Variants in WDR27 observed in about 807,000 individuals in gnomAD.
The protein encoded by WDR27 is WD repeat-containing protein 27.
In WDR27, 100 loss-of-function variants were observed where a neutral mutation model predicts 114.4. The ratio of observed to expected loss-of-function variants is 0.87; its 90% CI spans 0.74 to 1.03. The LOEUF (loss-of-function observed/expected upper bound fraction) is 1.03, where lower values mean the gene tolerates loss of function less well. Among genes scored for constraint, WDR27 ranks in the 50% least tolerant of loss-of-function variants. The probability of loss-of-function intolerance (pLI) is 0.00; values close to 1 mark genes in which losing one functional copy is unlikely to be tolerated. For missense variants in WDR27, 1,129 were observed against 1,092.9 expected (o/e 1.03, Z -0.47); for synonymous variants, 449 against 423.1 (o/e 1.06, Z -0.75).
intron 22 of WDR27, among the ~76,000 whole-genome samples, chr6:169,612,864 A>C (rs1810910869): frequency 6.6e-6 from 1 of 152,216 alleles, no homozygotes; most frequent in Non-Finnish European, 1.5e-5. Context: ...CTCATGTGCA[A>C]CATGATTGCT....
At chr6:169,555,341 A>G (rs1308394344) in intron 25 of WDR27, among the ~76,000 whole-genome samples, 1 of 152,054 alleles carries the variant, frequency 6.6e-6, no homozygotes, top group Non-Finnish European at 1.5e-5. Flanking sequence ...AGAAGAGCAG[A>G]CTGCTCCAGG....
At chr6:169,641,420 C>A (rs2128227751) in intron 17 of WDR27, among the ~76,000 whole-genome samples, 1 of 152,292 alleles carries the variant, frequency 6.6e-6, no homozygotes, top group South Asian at 2.1e-4. Context: ...CGGAAGGCCT[C>A]CCTCCTCTTT....
Position 169,552,020 on chromosome 6 carries a change from G to A in WDR27, c.2645+20399C>T, listed in dbSNP as rs115728606. Reference sequence around the variant, plus strand: ...TACCCTCCCGTGGGTTCCGTCCCACGCAGAGAAGCCGCATACAAAGAAAGG... The same window carrying A: ...TACCCTCCCGTGGGTTCCGTCCCACACAGAGAAGCCGCATACAAAGAAAGG... On this transcript the variant is annotated intron_variant, in intron 25 of 25. Coordinates refer to ENST00000448612, the MANE Select transcript of WDR27 (RefSeq NM_182552.5). Among the ~76,000 whole-genome samples, 532 of 152,238 alleles carry A rather than the reference G, an allele frequency of 3.5e-3. 5 individuals are homozygous for A. The highest frequency in any genetic ancestry group is 0.012 in the African/African-American group (501 of 41,544).
intron 2 of WDR27, among the ~76,000 whole-genome samples, chr6:169,678,709 C>T (rs1382702830): frequency 3.9e-5 from 6 of 152,138 alleles, no homozygotes; most frequent in South Asian, 2.1e-4. Flanking sequence ...CCCTTTCTAT[C>T]GTGGCTGACT....
intron 23 of WDR27, among the ~76,000 whole-genome samples, chr6:169,583,636 G>C (rs1199334755): frequency 6.6e-6 from 1 of 151,718 alleles, no homozygotes; most frequent in Non-Finnish European, 1.5e-5. Context: ...ATTGAGAGAT[G>C]AGATAATCAT....
chr6:169,547,192 C>A (rs1797560802), intron 25 of WDR27, among the ~76,000 whole-genome samples: 1 of 151,972 alleles, frequency 6.6e-6, no homozygotes, highest in Non-Finnish European at 1.5e-5. Flanking sequence ...CTTCTCAAAC[C>A]AGAAATCACT....
chr6:169,462,960 T>A (rs1049635149), intron 25 of WDR27, among the ~76,000 whole-genome samples: 1 of 152,198 alleles, frequency 6.6e-6, no homozygotes, highest in Non-Finnish European at 1.5e-5. Flanking sequence ...AGAAGGAAGT[T>A]ACATCAACAC....
intron 25 of WDR27, among the ~76,000 whole-genome samples, chr6:169,519,879 A>G (rs1369899259): frequency 6.6e-6 from 1 of 152,058 alleles, no homozygotes; most frequent in Non-Finnish European, 1.5e-5. Context: ...GTTTTCCCCC[A>G]TCTTCTTGAC....
chr6:169,557,827 T>C (rs1486349189), intron 25 of WDR27, among the ~76,000 whole-genome samples: 1 of 152,160 alleles, frequency 6.6e-6, no homozygotes, highest in Admixed American at 6.5e-5. Flanking sequence ...CTCCACTTAA[T>C]AAGTTATCAG....
chr6:169,428,765 A>G, the WDR27 span, among the ~76,000 whole-genome samples: 1 of 152,184 alleles, frequency 6.6e-6, no homozygotes, highest in Non-Finnish European at 1.5e-5. Flanking sequence ...CGTCAGGGTG[A>G]GGGTGAGCCC....
At chr6:169,690,868 C>T (rs1232855280) in intron 1 of WDR27, among the ~76,000 whole-genome samples, 1 of 152,138 alleles carries the variant, frequency 6.6e-6, no homozygotes, top group Admixed American at 6.5e-5. Context: ...AGCAGAATTT[C>T]ACAAGAGAAG....
At chr6:169,601,467 C>T (rs1202150251) in intron 23 of WDR27, among the ~76,000 whole-genome samples, 1 of 152,178 alleles carries the variant, frequency 6.6e-6, no homozygotes, top group Non-Finnish European at 1.5e-5. Context: ...ATAATTACTA[C>T]ATTTTGTAAA....
At chr6:169,503,731 A>C (rs2867166) in intron 25 of WDR27, among the ~76,000 whole-genome samples, 54,652 of 151,762 alleles carry the variant, frequency 0.36, 11,080 homozygotes, top group African/African-American at 0.55. Flanking sequence ...TCCCACAGCC[A>C]CAGAAAGTAG....
intron 25 of WDR27, among the ~76,000 whole-genome samples, chr6:169,529,660 A>G (rs902030661): frequency 1.3e-5 from 2 of 152,186 alleles, no homozygotes; most frequent in East Asian, 3.9e-4. Context: ...AAATAAACAT[A>G]TTTTGGACAG....
intron 25 of WDR27, chr6:169,558,324 A>T (rs1799193688): frequency 6.6e-6 from 1 of 152,094 alleles, no homozygotes; most frequent in South Asian, 2.1e-4. Flanking sequence ...CATGCTCAAG[A>T]TATTACATTT....
Position 169,470,428 on chromosome 6 carries a change from C to A in WDR27, c.2646-12794G>T, listed in dbSNP as rs373677623. 5.9e-5 allele frequency among the ~76,000 whole-genome samples: 9 copies of A among 152,320 alleles called. No homozygotes were observed. In the East Asian group the frequency reaches 1.7e-3, roughly 29 times the overall value. ...TTGTTACAGCAGCAGCACTCTACTT[C>A]CTGCTACTAAAATCTGTCTTAGTTC... On this transcript the variant is annotated intron_variant, in intron 25 of 25. Transcript: ENST00000448612.
At chr6:169,601,385 C>A (rs1187391288) in intron 23 of WDR27, among the ~76,000 whole-genome samples, 1 of 152,114 alleles carries the variant, frequency 6.6e-6, no homozygotes, top group Non-Finnish European at 1.5e-5. Context: ...CAGCCAATAA[C>A]TATTCAGGAA....
intron 5 of WDR27, among the ~76,000 whole-genome samples, 197 bp downstream of exon 5, chr6:169,667,785 C>G (rs534858064): frequency 5.4e-4 from 83 of 152,356 alleles, no homozygotes; most frequent in African/African-American, 2.0e-3. Context: ...GGAATCCAAG[C>G]CCAGCCAGCG....
chr6:169,584,578 GT>G (rs1343118213), intron 23 of WDR27, among the ~76,000 whole-genome samples: 5 of 152,156 alleles, frequency 3.3e-5, no homozygotes, highest in African/African-American at 9.7e-5. Flanking sequence ...GCTATCTCTT[GT>G]CTTTTTGATA....
Sources: allele counts gnomAD v4.1 joint callset (sites outside exome capture counted in the v4.1 genomes callset), GRCh38; gene constraint gnomAD v4.1.1; transcripts MANE v1.5; gene names NCBI Gene and HGNC (gene_info 2026-07-23, HGNC 2026-07-21).